RGS6: variants seen among roughly 807,000 people sequenced by gnomAD.
RGS6 encodes regulator of G-protein signaling 6.
A neutral mutation model predicts 78.5 loss-of-function variants in RGS6; 30 were observed. That is an observed-to-expected ratio of 0.38 (90% confidence interval 0.29 to 0.52). The LOEUF (loss-of-function observed/expected upper bound fraction) is 0.52, where lower values mean the gene tolerates loss of function less well. RGS6 is among the 20% of genes least tolerant of loss of function. The pLI, the probability that RGS6 is intolerant of heterozygous loss-of-function variation, is 0.85. For synonymous variants in RGS6, 206 were observed against 206.0 expected, an observed-to-expected ratio of 1.00 and a Z score of 0.00; for missense variants, 495 against 609.7, an observed-to-expected ratio of 0.81 and a Z score of 1.98.
chr14:72,391,275 C>T (rs1198890630), intron 3 of RGS6, among the ~76,000 whole-genome samples: 1 of 151,996 alleles, frequency 6.6e-6, no homozygotes, highest in Non-Finnish European at 1.5e-5. Context: ...AAATTCAACA[C>T]CATATTGTGA....
chr14:72,377,321 G>A (rs1410228765), intron 3 of RGS6, among the ~76,000 whole-genome samples: 2 of 152,068 alleles, frequency 1.3e-5, no homozygotes, highest in East Asian at 1.9e-4. Context: ...ATATGATGAC[G>A]AAGAGATTAA....
chr14:72,014,698 C>T (rs1397841020), intron 2 of RGS6, among the ~76,000 whole-genome samples: 2 of 151,828 alleles, frequency 1.3e-5, no homozygotes, highest in East Asian at 1.9e-4. Context: ...CAGATAGGCA[C>T]GTTCCCAGCA....
intron 2 of RGS6, among the ~76,000 whole-genome samples, chr14:72,287,405 A>G (rs945747808): frequency 1.3e-5 from 2 of 152,144 alleles, no homozygotes; most frequent in East Asian, 1.9e-4. Flanking sequence ...AAAAGCTTTT[A>G]TTTTTCGTTA....
At chr14:72,170,128 G>A (rs2096990701) in intron 2 of RGS6, among the ~76,000 whole-genome samples, 1 of 152,120 alleles carries the variant, frequency 6.6e-6, no homozygotes, top group Admixed American at 6.5e-5. Flanking sequence ...TGTTATAGCA[G>A]TTAGTCTTCC....
At chr14:72,468,412 C>G (rs1308264249) in intron 7 of RGS6, among the ~76,000 whole-genome samples, 1 of 151,600 alleles carries the variant, frequency 6.6e-6, no homozygotes, top group East Asian at 1.9e-4. Context: ...GAGATGTGCT[C>G]TCAGGTTGAA....
chr14:72,539,159 C>T (rs2097288462), intron 16 of RGS6, among the ~76,000 whole-genome samples: 1 of 152,216 alleles, frequency 6.6e-6, no homozygotes, highest in Admixed American at 6.5e-5. Context: ...CACCCCACAC[C>T]TCTCTTCCTC....
chr14:72,226,660 C>A (rs992546827), intron 2 of RGS6, among the ~76,000 whole-genome samples: 3 of 152,184 alleles, frequency 2.0e-5, no homozygotes, highest in African/African-American at 7.2e-5. Flanking sequence ...TCGGAATCTT[C>A]ATTTTAACAA....
At position 72,388,256 on chromosome 14, in the gene RGS6, A is replaced by G. The variant is rs112299235; in HGVS notation, c.184+36062A>G. 3.5e-3 allele frequency among the ~76,000 whole-genome samples: 535 copies of G among 152,274 alleles called. 1 individual carries two copies. The highest frequency in any genetic ancestry group is 0.012 in the African/African-American group (515 of 41,566). On this transcript the variant is annotated intron_variant, in intron 3 of 17. Transcript: ENST00000553525. Reference sequence around the variant, plus strand: ...AAAACACACACACATACACATATATATATACACATATACACATATATATAC... The same window carrying G: ...AAAACACACACACATACACATATATGTATACACATATACACATATATATAC...
At chr14:72,522,901 T>A (rs1269318613) in intron 15 of RGS6, among the ~76,000 whole-genome samples, 1 of 152,076 alleles carries the variant, frequency 6.6e-6, no homozygotes, top group Non-Finnish European at 1.5e-5. Context: ...GGATCTTCAG[T>A]TTTTGGGGGA....
chr14:72,299,876 T>A (rs1260198738), intron 2 of RGS6, among the ~76,000 whole-genome samples: 1 of 152,220 alleles, frequency 6.6e-6, no homozygotes, highest in African/African-American at 2.4e-5. Context: ...GTAATCTTCA[T>A]TTCTCTCGTT....
chr14:72,488,838 T>C (rs1206500270), intron 12 of RGS6, among the ~76,000 whole-genome samples: 3 of 152,128 alleles, frequency 2.0e-5, no homozygotes, highest in Non-Finnish European at 2.9e-5. Context: ...ACTTCCCAGG[T>C]TGGAGATGTG....
At chr14:72,000,215 G>GGTTGTT (rs1347036604) in intron 2 of RGS6, among the ~76,000 whole-genome samples, 5 of 152,198 alleles carry the variant, frequency 3.3e-5, no homozygotes, top group Non-Finnish European at 4.4e-5. Context: ...TCGCTCAGGC[G>GGTTGTT]GTTGTTGTAA....
At chr14:72,630,022 A>T in the RGS6 span, among the ~76,000 whole-genome samples, 1 of 152,184 alleles carries the variant, frequency 6.6e-6, no homozygotes, top group Admixed American at 6.5e-5. Flanking sequence ...ATGATCAGAG[A>T]GAACGAGAGA....
chr14:72,611,304 T>A, the RGS6 span, among the ~76,000 whole-genome samples: 2 of 152,246 alleles, frequency 1.3e-5, no homozygotes, highest in African/African-American at 4.8e-5. Flanking sequence ...TTATTCCTAA[T>A]GCTGTCAACA....
At chr14:72,185,446 A>T (rs994392886) in intron 2 of RGS6, among the ~76,000 whole-genome samples, 1 of 152,224 alleles carries the variant, frequency 6.6e-6, no homozygotes, top group South Asian at 2.1e-4. Flanking sequence ...ATACCCTCAT[A>T]GAAAACTCTT....
intron 2 of RGS6, among the ~76,000 whole-genome samples, chr14:72,165,508 A>G (rs957584485): frequency 2.0e-5 from 3 of 152,178 alleles, no homozygotes; most frequent in Non-Finnish European, 2.9e-5. Context: ...TCAAAAGCGC[A>G]TTGCTGGGAT....
At chr14:72,134,914 GT>G (rs1296582356) in intron 2 of RGS6, among the ~76,000 whole-genome samples, 1 of 152,090 alleles carries the variant, frequency 6.6e-6, no homozygotes, top group East Asian at 1.9e-4. Context: ...AGATTGGGTG[GT>G]GTCCGCCCAC....
intron 2 of RGS6, among the ~76,000 whole-genome samples, chr14:72,311,091 C>T (rs776760008): frequency 3.9e-5 from 6 of 152,152 alleles, no homozygotes; most frequent in Admixed American, 6.5e-5. Flanking sequence ...TAGAGAGAAG[C>T]GAAGACCATT....
upstream of RGS6, among the ~76,000 whole-genome samples, chr14:71,930,091 G>A (rs1451322353): frequency 6.6e-6 from 1 of 152,182 alleles, no homozygotes; most frequent in Non-Finnish European, 1.5e-5. Context: ...GGGTGCCATT[G>A]CTTTTAGGCC....
Sources: allele counts gnomAD v4.1 joint callset (sites outside exome capture counted in the v4.1 genomes callset), GRCh38; gene constraint gnomAD v4.1.1; transcripts MANE v1.5; gene names NCBI Gene and HGNC (gene_info 2026-07-23, HGNC 2026-07-21).